Variants in N4BP2L2 observed in about 807,000 individuals in gnomAD.
N4BP2L2 encodes the protein NEDD4-binding protein 2-like 2.
N4BP2L2 carries 50 observed loss-of-function variants against 56.2 expected under a neutral mutation model. The ratio of observed to expected loss-of-function variants is 0.89; its 90% CI spans 0.71 to 1.13. The LOEUF (loss-of-function observed/expected upper bound fraction) is 1.13, where lower values mean the gene tolerates loss of function less well. Ranked by LOEUF, N4BP2L2 falls within the 50% of genes most tolerant of loss-of-function variation. The probability of loss-of-function intolerance (pLI) is 0.00; values close to 1 mark genes in which losing one functional copy is unlikely to be tolerated. For missense variants in N4BP2L2, 689 were observed against 693.8 expected, an observed-to-expected ratio of 0.99 and a Z score of 0.08; for synonymous variants, 203 against 223.6, an observed-to-expected ratio of 0.91 and a Z score of 0.82.
At chr13:32,534,507 C>G (rs1447820500) in intron 2 of N4BP2L2, among the ~76,000 whole-genome samples, 1 of 152,098 alleles carries the variant, frequency 6.6e-6, no homozygotes, top group Non-Finnish European at 1.5e-5. Flanking sequence ...TTTGTGAGAC[C>G]TCACTCCTAA....
chr13:32,443,414 A>G, exon 7 of N4BP2L2: 2 of 1,614,000 alleles, frequency 1.2e-6, no homozygotes, highest in Non-Finnish European at 1.7e-6. Context: ...CCCAGCTGTA[A>G]ATCTTCATCA....
chr13:32,447,426 G>A (rs898510986), intron 6 of N4BP2L2, among the ~76,000 whole-genome samples: 7 of 152,246 alleles, frequency 4.6e-5, no homozygotes, highest in Non-Finnish European at 7.3e-5. Context: ...GGTGGAGGCA[G>A]TGAGAAGGGA....
At chr13:32,471,721 G>C (rs754626863) in intron 6 of N4BP2L2, among the ~76,000 whole-genome samples, 2 of 152,244 alleles carry the variant, frequency 1.3e-5, no homozygotes, top group African/African-American at 4.8e-5. Flanking sequence ...CAGTGTGAGA[G>C]AGCTGCTGCG....
intron 2 of N4BP2L2, among the ~76,000 whole-genome samples, chr13:32,534,042 C>G (rs1048001891): frequency 2.6e-5 from 4 of 152,144 alleles, no homozygotes; most frequent in African/African-American, 4.8e-5. Flanking sequence ...TGAGCTCTTA[C>G]TAGTTTTTGT....
intron 6 of N4BP2L2, among the ~76,000 whole-genome samples, chr13:32,449,984 C>T (rs1455448873): frequency 2.6e-5 from 4 of 152,162 alleles, no homozygotes; most frequent in African/African-American, 7.2e-5. Context: ...GATTAAAACA[C>T]CTTTCTCAGT....
At chr13:32,522,336 TTTA>T (rs560662180) in intron 3 of N4BP2L2, 66 bp from the exon 4 acceptor site, 159 of 1,077,802 alleles carry the variant, frequency 1.5e-4, no homozygotes, top group Non-Finnish European at 1.9e-4. Context: ...AAGTTAAACA[TTTA>T]TTATTAAGAA....
chr13:32,511,835 T>C (rs770379055), exon 6 of N4BP2L2: 1 of 151,828 alleles, frequency 6.6e-6, no homozygotes, highest in Non-Finnish European at 1.5e-5. Flanking sequence ...AGAAATATGA[T>C]TTCTAAGATT....
intron 3 of N4BP2L2, chr13:32,524,213 A>G (rs1197893216): frequency 6.6e-6 from 1 of 152,218 alleles, no homozygotes; most frequent in African/African-American, 2.4e-5. Flanking sequence ...TAGCACCAAG[A>G]CACTATCATC....
chr13:32,456,162 T>C (rs935233672), intron 6 of N4BP2L2, among the ~76,000 whole-genome samples: 11 of 152,192 alleles, frequency 7.2e-5, no homozygotes, highest in Non-Finnish European at 1.5e-4. Context: ...GTGCCACCAC[T>C]TGGGCCTGAG....
At chr13:32,535,949 T>A (rs1434279393) in exon 2 of N4BP2L2, 1 of 1,614,102 alleles carries the variant, frequency 6.2e-7, no homozygotes, top group Admixed American at 1.7e-5. Flanking sequence ...ATTACTCACA[T>A]ATCGATCTTG....
chr13:32,522,938 C>T (rs2140068759), intron 3 of N4BP2L2: 1 of 152,280 alleles, frequency 6.6e-6, no homozygotes. Flanking sequence ...TACTTACCAG[C>T]AAAACTTTAT....
chr13:32,514,615 T>C (rs532057211), exon 6 of N4BP2L2: 1 of 152,050 alleles, frequency 6.6e-6, no homozygotes, highest in South Asian at 2.1e-4. Flanking sequence ...GTCCAGTCTA[T>C]ACAACAGAAA....
rs569068082 is a variant in N4BP2L2 at position 32,462,861 on chromosome 13, T to TAAAAAAAAA, written c.366-18744_366-18736dup. Among the ~76,000 whole-genome samples, 65 of 51,108 alleles carry TAAAAAAAAA rather than the reference T, an allele frequency of 1.3e-3. 2 individuals are homozygous for TAAAAAAAAA. Among genetic ancestry groups the TAAAAAAAAA allele is most frequent in the African/African-American group, 3.2e-3 (53 of 16,488 alleles). The allele number at this position is 51,108 out of a possible 152,430, so 33.5% of individuals were successfully genotyped here. A position where few individuals can be genotyped will look rare whatever the true frequency, so the allele number is the denominator to read the frequency against. The stretch of plus-strand genomic sequence containing the variant: ...CAACATGGTGAAACCCTGTCTTTAC[T>TAAAAAAAAA]AAAAAAAAAAAAAAAAAAAAAAAAA... On this transcript the variant is annotated intron_variant, in intron 6 of 9. Coordinates refer to the N4BP2L2 transcript ENST00000357505.
intron 6 of N4BP2L2, among the ~76,000 whole-genome samples, chr13:32,487,886 T>G (rs1015241812): frequency 2.0e-5 from 3 of 152,120 alleles, no homozygotes; most frequent in African/African-American, 7.2e-5. Context: ...TGACGGAGTT[T>G]TCGCTCTTGT....
chr13:32,443,073 C>T lies in N4BP2L2; in HGVS notation c.1419G>A (p.Arg473=), dbSNP rs2076591153. The T allele has an allele frequency of 1.9e-6, 3 of 1,606,312 alleles. No individual in the cohort carries two copies. In the South Asian group the frequency reaches 3.4e-5, roughly 18 times the overall value. Residue 473 remains arginine (R), a synonymous_variant, in exon 7 of 10, where the codon AGG becomes AGA. Transcript: ENST00000357505. ...GTACCAAATTGAAAATCCTTTTCTT[C>T]CTCCTTTTCTTATTTTTTGTTGATT... is the stretch of plus-strand genomic sequence containing the variant.
chr13:32,536,235 T>G (rs767316788), exon 2 of N4BP2L2: 3 of 1,613,884 alleles, frequency 1.9e-6, no homozygotes, highest in Non-Finnish European at 2.5e-6. Context: ...CATTCAGGCC[T>G]GAAAGAAGTA....
At chr13:32,520,039 A>C (rs890000445) in intron 5 of N4BP2L2, among the ~76,000 whole-genome samples, 1 of 150,836 alleles carries the variant, frequency 6.6e-6, no homozygotes, top group Non-Finnish European at 1.5e-5. Flanking sequence ...TACTAATACT[A>C]ATCTGTTTGT....
intron 6 of N4BP2L2, among the ~76,000 whole-genome samples, chr13:32,469,164 C>A (rs2081830062): frequency 6.6e-6 from 1 of 152,198 alleles, no homozygotes; most frequent in Admixed American, 6.5e-5. Context: ...TGGAACCTGA[C>A]CCTGAACCTG....
exon 2 of N4BP2L2, chr13:32,535,951 T>C (rs368240630): frequency 1.7e-5 from 27 of 1,613,940 alleles, no homozygotes; most frequent in African/African-American, 6.7e-5. Flanking sequence ...TACTCACATA[T>C]CGATCTTGCA....
Sources: gnomAD v4.1 joint callset for allele counts (sites outside exome capture counted in the v4.1 genomes callset) on GRCh38, gnomAD v4.1.1 for gene constraint, MANE v1.5 for transcripts, NCBI Gene and HGNC (gene_info 2026-07-23, HGNC 2026-07-21) for gene names.